Variants in GNG7 observed in about 807,000 individuals in gnomAD.
The protein encoded by GNG7 is G protein subunit gamma 7.
A neutral mutation model predicts 4.0 loss-of-function variants in GNG7; 1 was observed. That is an observed-to-expected ratio of 0.25 (90% confidence interval 0.09 to 1.18). GNG7 has a LOEUF of 1.18. GNG7 is among the 50% of genes most tolerant of loss of function. GNG7 has a pLI of 0.50. For missense variants in GNG7, 86 were observed against 91.9 expected (o/e 0.94, Z 0.26); for synonymous variants, 34 against 36.9 (o/e 0.92, Z 0.29).
intron 2 of GNG7, among the ~76,000 whole-genome samples, chr19:2,645,423 G>C (rs1982639548): frequency 6.6e-6 from 1 of 151,754 alleles, no homozygotes; most frequent in Non-Finnish European, 1.5e-5. Flanking sequence ...ATTTTTAGTA[G>C]AGATGGGGTT....
At position 2,652,030 on chromosome 19, in the gene GNG7, C is replaced by T. The variant is rs1440429245; in HGVS notation, c.-134-5750G>A. ...TCTGTACTAAAAATACAAAAATTAG[C>T]CAGGTCTGGTGGCAGGCGCCTGTAA... On this transcript the variant is annotated intron_variant, in intron 1 of 4. Coordinates refer to ENST00000382159, the MANE Select transcript of GNG7 (RefSeq NM_052847.3). Among the ~76,000 whole-genome samples, 9 of 151,790 alleles carry T rather than the reference C, an allele frequency of 5.9e-5. 1 individual carries two copies. Among genetic ancestry groups the T allele is most frequent in the African/African-American group, 2.2e-4 (9 of 41,414 alleles).
rs927151463 is a variant in GNG7, at chr19:2,617,399, G to A, written c.-78+28825C>T. 6.6e-6 allele frequency among the ~76,000 whole-genome samples: 1 copy of A among 152,176 alleles called. No individual in the cohort carries two copies. The highest frequency in any genetic ancestry group is 6.5e-5 in the Admixed American group (1 of 15,278). ...GACCCTGCCTTGGGCTGTGAGCTCT[G>A]AGGACCCCATCAATCTGATCAAGAA... is the stretch of plus-strand genomic sequence containing the variant. On this transcript the variant is annotated intron_variant, in intron 2 of 4. Transcript: ENST00000382159. This position sits in a 1 kb window ranked among gnomAD's most constrained non-coding sequence, Gnocchi z 4.7.
In GNG7 at chr19:2,617,364, C is replaced by T. The variant is rs1323873482; in HGVS notation, c.-78+28860G>A. Among the ~76,000 whole-genome samples, 1 of 152,234 alleles carries T rather than the reference C, an allele frequency of 6.6e-6. No homozygotes were observed. Among genetic ancestry groups the T allele is most frequent in the Non-Finnish European group, 1.5e-5 (1 of 68,038 alleles). ...TCCAGGCACTGAGCCCGGCCCAGCC[C>T]TGCAGCTCTGACCCTGCCTTGGGCT... On this transcript the variant is annotated intron_variant, in intron 2 of 4. Transcript: ENST00000382159. The surrounding 1 kb of genome is among the most constrained non-coding windows in gnomAD (Gnocchi z 4.7).
At chr19:2,650,183 CTTTTT>C (rs529803793) in intron 1 of GNG7, among the ~76,000 whole-genome samples, 1 of 125,998 alleles carries the variant, frequency 7.9e-6, no homozygotes, top group African/African-American at 3.2e-5. Flanking sequence ...TCATAGGAAT[CTTTTT>C]TTTTTTTTTT....
At chr19:2,532,554 A>C (rs1289810827) in intron 3 of GNG7, among the ~76,000 whole-genome samples, 2 of 152,230 alleles carry the variant, frequency 1.3e-5, no homozygotes, top group Non-Finnish European at 2.9e-5. Flanking sequence ...AAGCAGGAAC[A>C]ATCTTTGAAG....
intron 3 of GNG7, among the ~76,000 whole-genome samples, chr19:2,544,172 G>A (rs910531677): frequency 5.9e-5 from 9 of 152,218 alleles, no homozygotes; most frequent in Admixed American, 3.9e-4. Context: ...GAGACAGGGT[G>A]TTATGTTTAG....
chr19:2,669,403 T>C (rs184511640), intron 1 of GNG7, among the ~76,000 whole-genome samples: 2 of 152,186 alleles, frequency 1.3e-5, no homozygotes, highest in Non-Finnish European at 2.9e-5. Flanking sequence ...GGCAAGAGAA[T>C]CGCTTGAACC....
At chr19:2,534,738 A>T (rs1978685596) in intron 3 of GNG7, among the ~76,000 whole-genome samples, 1 of 152,228 alleles carries the variant, frequency 6.6e-6, no homozygotes, top group Non-Finnish European at 1.5e-5. Flanking sequence ...AGCTAGAGAG[A>T]CACGAGAACT....
At chr19:2,596,600 T>C (rs1981027669) in intron 2 of GNG7, among the ~76,000 whole-genome samples, 3 of 151,950 alleles carry the variant, frequency 2.0e-5, no homozygotes, top group East Asian at 3.9e-4. Flanking sequence ...GTCCAAGAGG[T>C]TGAGGCTGTA....
At chr19:2,575,551 G>T (rs1229951938) in intron 2 of GNG7, among the ~76,000 whole-genome samples, 1 of 94,386 alleles carries the variant, frequency 1.1e-5, no homozygotes, top group Non-Finnish European at 2.2e-5. Context: ...GCAGGCACAC[G>T]CAGACACACG....
Position 2,546,788 on chromosome 19 carries a change from C to T in GNG7, c.-38+8361G>A, listed in dbSNP as rs983616556. Reference sequence around the variant, plus strand: ...AAAGAAAAGCTGCTCTCTGTCCACCCGGCGGTGGGGTCGGCGGGGGCGGGG... The same window carrying T: ...AAAGAAAAGCTGCTCTCTGTCCACCTGGCGGTGGGGTCGGCGGGGGCGGGG... On this transcript the variant is annotated intron_variant, in intron 3 of 4. Transcript: ENST00000382159. This position sits in a 1 kb window ranked among gnomAD's most constrained non-coding sequence, Gnocchi z 6.3. 5.9e-5 allele frequency among the ~76,000 whole-genome samples: 9 copies of T among 152,132 alleles called. No individual in the cohort carries two copies. The highest frequency in any genetic ancestry group is 2.0e-4 in the Admixed American group (3 of 15,276).
intron 1 of GNG7, among the ~76,000 whole-genome samples, chr19:2,662,755 G>A (rs1339816288): frequency 3.3e-5 from 5 of 151,900 alleles, no homozygotes; most frequent in African/African-American, 7.3e-5. Flanking sequence ...ATGACTGATC[G>A]CGTCACTGGC....
chr19:2,573,366 A>T (rs1980209445), intron 2 of GNG7, among the ~76,000 whole-genome samples: 1 of 152,044 alleles, frequency 6.6e-6, no homozygotes, highest in Admixed American at 6.6e-5. Context: ...CACAGTTCCG[A>T]GCCCACTCCC....
intron 1 of GNG7, among the ~76,000 whole-genome samples, chr19:2,696,171 G>A (rs1209101095): frequency 6.8e-6 from 1 of 147,272 alleles, no homozygotes; most frequent in Non-Finnish European, 1.5e-5. Context: ...AAAGAAAAGA[G>A]AGAAAGAGAG....
rs555675779 is a variant in GNG7 at position 2,634,463 on chromosome 19, G to A, written c.-78+11761C>T. On this transcript the variant is annotated intron_variant, in intron 2 of 4. Transcript: ENST00000382159. The surrounding 1 kb of genome is among the most constrained non-coding windows in gnomAD (Gnocchi z 5.3). ...AAGGTCATGTCCAAGCTCTCCTACC[G>A]CCGGGAAGCACTGCCTTGTCCTGGG... Among the ~76,000 whole-genome samples, 35 of 152,300 alleles carry A rather than the reference G, an allele frequency of 2.3e-4. No individual in the cohort carries two copies. The highest frequency in any genetic ancestry group is 7.0e-4 in the African/African-American group (29 of 41,556).
chr19:2,598,363 A>ATC, intron 2 of GNG7, among the ~76,000 whole-genome samples: 1 of 152,240 alleles, frequency 6.6e-6, no homozygotes, highest in African/African-American at 2.4e-5. Context: ...ATCTCTACTG[A>ATC]AAATACAGAA....
chr19:2,658,761 CA>C (rs1905154849), intron 1 of GNG7, among the ~76,000 whole-genome samples: 1 of 151,978 alleles, frequency 6.6e-6, no homozygotes, highest in African/African-American at 2.4e-5. Context: ...ATCATGTATC[CA>C]CTGGCTCATT....
chr19:2,553,513 T>C (rs1979411268), intron 3 of GNG7, among the ~76,000 whole-genome samples: 2 of 148,698 alleles, frequency 1.3e-5, no homozygotes, highest in Admixed American at 1.4e-4. Flanking sequence ...TCTCATTACA[T>C]ATATGTACAC....
chr19:2,659,059 T>G (rs1411954044), intron 1 of GNG7, among the ~76,000 whole-genome samples: 2 of 151,010 alleles, frequency 1.3e-5, no homozygotes, highest in African/African-American at 4.9e-5. Context: ...AAGCTCCACC[T>G]CCCGGGTTCA....
Sources: gnomAD v4.1 joint callset for allele counts (sites outside exome capture counted in the v4.1 genomes callset) on GRCh38, gnomAD v4.1.1 for gene constraint, Gnocchi (gnomAD v3.1) non-coding constraint, MANE v1.5 for transcripts, NCBI Gene and HGNC (gene_info 2026-07-23, HGNC 2026-07-21) for gene names.